Variants in CERCAM observed in about 807,000 individuals in gnomAD.
CERCAM encodes cerebral endothelial cell adhesion molecule.
Under a neutral mutation model 66.0 loss-of-function variants are expected in CERCAM, and 59 were observed. The observed-to-expected ratio is 0.89, with a 90% confidence interval of 0.73 to 1.11. The LOEUF is 1.11. Ranked by LOEUF, CERCAM falls within the 50% of genes most tolerant of loss-of-function variation. The probability of loss-of-function intolerance (pLI) is 0.00; values close to 1 mark genes in which losing one functional copy is unlikely to be tolerated. For missense variants in CERCAM, 840 were observed against 828.3 expected, an observed-to-expected ratio of 1.01 and a Z score of -0.17; for synonymous variants, 318 against 343.6, an observed-to-expected ratio of 0.93 and a Z score of 0.83.
At chr9:128,428,263 C>A in intron 5 of CERCAM, 39 bp from the exon 6 acceptor site, 1 of 1,606,408 alleles carries the variant, frequency 6.2e-7, no homozygotes, top group South Asian at 1.1e-5. Context: ...CTGAGAGCCC[C>A]ACCCTCCACT....
chr9:128,432,682 T>C (rs1288601994), intron 9 of CERCAM, among the ~76,000 whole-genome samples: 1 of 152,034 alleles, frequency 6.6e-6, no homozygotes, highest in Non-Finnish European at 1.5e-5. Context: ...CCACCGCTCC[T>C]GGCTTCACTA....
chr9:128,423,617 C>CAA (rs751848613), intron 3 of CERCAM, among the ~76,000 whole-genome samples: 40 of 81,892 alleles, frequency 4.9e-4, no homozygotes, highest in African/African-American at 1.3e-3. Flanking sequence ...AACTCAGTCT[C>CAA]AAAAAAAAAA....
chr9:128,435,659 G>A lies in CERCAM; in HGVS notation c.1542G>A (p.Gln514=), dbSNP rs147019443. The change falls in exon 12 of 13, where the codon CAG becomes CAA. Residue 514 remains glutamine (Q), a synonymous_variant. Transcript: ENST00000372838. ...CTATCCTCTCACCTTACAGCGAGCAGTACAAGGCACACTTCTGGCCACGGG... is the reference window on the plus strand; with the variant it reads ...CTATCCTCTCACCTTACAGCGAGCAATACAAGGCACACTTCTGGCCACGGG... ...PIMFDQHPNE[Q]YKAHFWPRDL... 1.9e-4 allele frequency: 300 copies of A among 1,610,922 alleles called. No individual in the cohort carries two copies. The highest frequency in any genetic ancestry group is 2.5e-4 in the Non-Finnish European group (294 of 1,178,534).
In CERCAM at chr9:128,422,969, G is replaced by A; in HGVS notation, c.299G>A (p.Gly100Asp). 3 of 1,613,750 alleles carry A rather than the reference G, an allele frequency of 1.9e-6. No individual in the cohort carries two copies. Among genetic ancestry groups the A allele is most frequent in the South Asian group, 2.2e-5 (2 of 91,070 alleles). The change falls in exon 2 of 13, where the codon GGC becomes GAC. Residue 100 changes from glycine (G) to aspartate (D), a missense_variant. Gly to Asp is a moderately conservative substitution (Grantham distance 94). Transcript: ENST00000372838. ...DYAAVVWRPEGEPRFYPDEEG... is the reference protein window; with the variant it reads ...DYAAVVWRPEDEPRFYPDEEG... ...GCTGCTGTGGTCTGGAGGCCTGAGG[G>A]CGAGCCCAGGTGGTGATCTGAGGGG...
Position 128,435,836 on chromosome 9 carries a change from C to A in CERCAM, c.1719C>A (p.Arg573=). 1 of 1,609,822 alleles carries A rather than the reference C, an allele frequency of 6.2e-7. No homozygotes were observed. ...ISWSGSQKTL[R]SPRLDLTGSS... is the part of the protein sequence containing the mutation. ...GGAGCGGCTCCCAAAAGACCCTGCG[C>A]AGCCCCCGCCTGGACCTGACTGGCA... The change falls in exon 12 of 13, where the codon CGC becomes CGA. Residue 573 remains arginine, a synonymous_variant. Coordinates refer to ENST00000372838, the MANE Select transcript of CERCAM (RefSeq NM_016174.5).
At chr9:128,432,177 C>T (rs887957321) in intron 9 of CERCAM, among the ~76,000 whole-genome samples, 5 of 152,012 alleles carry the variant, frequency 3.3e-5, no homozygotes, top group Admixed American at 1.3e-4. Flanking sequence ...AGGCATGTGC[C>T]ACCACACCTG....
chr9:128,435,714 C>T lies in CERCAM; in HGVS notation c.1597C>T (p.Leu533Phe). ...DLVAFSAQPLLAAPTHYAGDA... is the reference protein window; with the variant it reads ...DLVAFSAQPLFAAPTHYAGDA... ...GGTGGCCTTCTCCGCCCAGCCCCTG[C>T]TCGCTGCCCCTACCCACTATGCCGG... is the stretch of plus-strand genomic sequence containing the variant. Residue 533 changes from leucine (L) to phenylalanine (F), a missense_variant, in exon 12 of 13, where the codon CTC (leucine) becomes TTC (phenylalanine). Leu to Phe is a conservative substitution (Grantham distance 22). Transcript: ENST00000372838. 6.2e-7 allele frequency: 1 copy of T among 1,613,646 alleles called. No homozygotes were observed. The highest frequency in any genetic ancestry group is 8.5e-7 in the Non-Finnish European group (1 of 1,179,894).
chr9:128,434,160 G>T lies in CERCAM; in HGVS notation c.1262G>T (p.Ser421Ile), dbSNP rs534312335. The change falls in exon 10 of 13, where the codon AGC becomes ATC. Residue 421 changes from serine to isoleucine, a missense_variant. Transcript: ENST00000372838. This position sits in a 1 kb window ranked among gnomAD's most constrained non-coding sequence, Gnocchi z 4.5. ...LVFEDDVRFE[S>I]NFRGRLERLM... ...TTTGAGGATGACGTGCGCTTTGAGA[G>T]CAACTTCAGGGGGCGGCTGGAGCGG... The T allele has an allele frequency of 2.5e-6, 4 of 1,614,202 alleles. No individual in the cohort carries two copies. In the African/African-American group the frequency reaches 5.3e-5, roughly 22 times the overall value.
upstream of CERCAM, chr9:128,420,713 C>G (rs1238745040): frequency 7.7e-6 from 2 of 259,072 alleles, no homozygotes; most frequent in Non-Finnish European, 1.4e-5. This position sits in a 1 kb window ranked among gnomAD's most constrained non-coding sequence, Gnocchi z 5.0. Flanking sequence ...GGAGAGAAAA[C>G]TTGAGCATCC....
intron 12 of CERCAM, 137 bp from the exon 13 acceptor site, chr9:128,436,712 G>C (rs1235834005): frequency 6.6e-6 from 1 of 152,422 alleles, no homozygotes; most frequent in African/African-American, 2.4e-5. Flanking sequence ...ACCTTCAGCT[G>C]TCTCCGCATC....
In CERCAM at chr9:128,428,967, G is replaced by C. The variant is rs771197914; in HGVS notation, c.1001G>C (p.Arg334Pro). ...AGCCTGGCTCGCAGGCCTGACCGTC[G>C]GGAACGCATGCTCGCCTCGCTCTGG... ...VISLARRPDR[R>P]ERMLASLWEM... is the part of the protein sequence containing the mutation. Residue 334 changes from arginine to proline, a missense_variant, in exon 8 of 13, where the codon CGG (arginine) becomes CCG (proline). Arg to Pro is a moderately radical substitution (Grantham distance 103). Coordinates refer to ENST00000372838, the MANE Select transcript of CERCAM (RefSeq NM_016174.5). 1.4e-5 allele frequency: 23 copies of C among 1,611,270 alleles called. No individual in the cohort carries two copies. The highest frequency in any genetic ancestry group is 2.7e-5 in the African/African-American group (2 of 74,844).
intron 9 of CERCAM, among the ~76,000 whole-genome samples, chr9:128,432,988 G>T (rs1834013914): frequency 6.6e-6 from 1 of 151,810 alleles, no homozygotes; most frequent in Non-Finnish European, 1.5e-5. Context: ...ACAAAAATTA[G>T]CCCGGCGTTG....
chr9:128,426,272 G>T (rs1348737971), intron 5 of CERCAM, among the ~76,000 whole-genome samples: 2 of 151,936 alleles, frequency 1.3e-5, no homozygotes, highest in Non-Finnish European at 2.9e-5. Flanking sequence ...GGCAACACAA[G>T]ATGAGACCCT....
intron 8 of CERCAM, among the ~76,000 whole-genome samples, chr9:128,429,974 GT>G (rs141930981): frequency 3.3e-5 from 5 of 149,916 alleles, no homozygotes; most frequent in African/African-American, 9.8e-5. Context: ...GTTTTGTTTT[GT>G]TTTTTTTTCA....
chr9:128,435,603 G>T (rs1417556397), intron 11 of CERCAM, 50 bp from the exon 12 acceptor site: 2 of 1,539,078 alleles, frequency 1.3e-6, no homozygotes, highest in Admixed American at 1.9e-5. Flanking sequence ...CATGTGTCCG[G>T]GGAGTAGGGG....
chr9:128,421,259 G>T (rs1040112479), intron 1 of CERCAM, 185 bp downstream of exon 1: 1 of 1,234,860 alleles, frequency 8.1e-7, no homozygotes, highest in Non-Finnish European at 1.0e-6. Context: ...GCTGGGAGAC[G>T]ACAGACCTCT....
chr9:128,434,156 G>A lies in CERCAM; in HGVS notation c.1258G>A (p.Glu420Lys). 2 of 1,614,180 alleles carry A rather than the reference G, an allele frequency of 1.2e-6. No individual in the cohort carries two copies. The highest frequency in any genetic ancestry group is 1.7e-5 in the Admixed American group (1 of 60,022). ...GGTGTTTGAGGATGACGTGCGCTTT[G>A]AGAGCAACTTCAGGGGGCGGCTGGA... ...VLVFEDDVRF[E>K]SNFRGRLERL... The change falls in exon 10 of 13, where the codon GAG (glutamate) becomes AAG (lysine). Residue 420 changes from glutamate to lysine, a missense_variant. Glu to Lys is a moderately conservative substitution (Grantham distance 56, BLOSUM62 1). Transcript: ENST00000372838. This position sits in a 1 kb window ranked among gnomAD's most constrained non-coding sequence, Gnocchi z 4.5.
In CERCAM at chr9:128,423,628, A is replaced by AAAG. The variant is rs1438012080; in HGVS notation, c.426+367_426+368insGAA. The stretch of plus-strand genomic sequence containing the variant: ...GTGAAACTCAGTCTCAAAAAAAAAA[A>AAAG]AAAAAGAAAAAGAAATCTGAATGTG... On this transcript the variant is annotated intron_variant, in intron 3 of 12. Transcript: ENST00000372838. 7.5e-4 allele frequency among the ~76,000 whole-genome samples: 114 copies of AAAG among 152,010 alleles called. 2 individuals are homozygous for AAAG. The highest frequency in any genetic ancestry group is 2.7e-3 in the African/African-American group (113 of 41,482).
chr9:128,423,073 G>A, intron 2 of CERCAM, 73 bp from the exon 3 acceptor site: 1 of 1,597,808 alleles, frequency 6.3e-7, no homozygotes, highest in South Asian at 1.1e-5. Context: ...CTCCAAGCCA[G>A]GGCTCTGTCC....
Sources: gnomAD v4.1 joint callset for allele counts (sites outside exome capture counted in the v4.1 genomes callset) on GRCh38, gnomAD v4.1.1 for gene constraint, Gnocchi (gnomAD v3.1) non-coding constraint, MANE v1.5 for transcripts, NCBI Gene and HGNC (gene_info 2026-07-23, HGNC 2026-07-21) for gene names.